Variants in DNAH11 observed in about 807,000 individuals in gnomAD.
The protein encoded by DNAH11 is axonemal beta dynein heavy chain 11.
DNAH11 carries 442 observed loss-of-function variants against 526.0 expected under a neutral mutation model. The observed-to-expected ratio is 0.84, with a 90% CI of 0.78 to 0.91. The LOEUF (loss-of-function observed/expected upper bound fraction) is 0.91. Among genes scored for constraint, DNAH11 ranks in the 40% least tolerant of loss-of-function variants. The pLI is 0.00. For missense variants in DNAH11, 6,989 were observed against 5,448.7 expected (o/e 1.28, Z -8.90); for synonymous variants, 2,461 against 1,935.9 (o/e 1.27, Z -7.12).
intron 55 of DNAH11, among the ~76,000 whole-genome samples, chr7:21,769,283 C>T (rs1787319187): frequency 6.6e-6 from 1 of 152,162 alleles, no homozygotes; most frequent in East Asian, 1.9e-4. Context: ...AGGGTCCAGA[C>T]TTTGTAGCTG....
At chr7:21,789,132 A>G (rs1788319439) in intron 60 of DNAH11, 109 bp from the exon 61 acceptor site, 2 of 819,780 alleles carry the variant, frequency 2.4e-6, no homozygotes, top group Non-Finnish European at 3.9e-6. Flanking sequence ...CAATAAAAAA[A>G]GAGAAGTTGC....
intron 45 of DNAH11, 99 bp from the exon 46 acceptor site, chr7:21,735,541 T>G: frequency 2.1e-6 from 2 of 959,470 alleles, no homozygotes; most frequent in African/African-American, 3.3e-5. Context: ...AATTATAAAG[T>G]GACTGTGTTG....
At chr7:21,544,918 G>A in intron 1 of DNAH11, 88 bp from the exon 2 acceptor site, 2 of 1,168,918 alleles carry the variant, frequency 1.7e-6, no homozygotes, top group Non-Finnish European at 1.2e-6. Flanking sequence ...TGTTTCTTCT[G>A]CTAGCAATAC....
chr7:21,748,019 A>G (rs976828448), intron 51 of DNAH11, among the ~76,000 whole-genome samples: 1 of 152,232 alleles, frequency 6.6e-6, no homozygotes, highest in Non-Finnish European at 1.5e-5. Flanking sequence ...ACAAAGCTCT[A>G]AGAGAATCCA....
chr7:21,728,577 C>G (rs895053224), intron 45 of DNAH11, among the ~76,000 whole-genome samples: 13 of 152,150 alleles, frequency 8.5e-5, no homozygotes, highest in Admixed American at 4.6e-4. Flanking sequence ...GCCCAAAATT[C>G]TTAACCCATT....
chr7:21,857,819 T>C (rs1782910821), intron 68 of DNAH11, among the ~76,000 whole-genome samples: 2 of 152,012 alleles, frequency 1.3e-5, no homozygotes, highest in Non-Finnish European at 2.9e-5. Flanking sequence ...ATAAAAAAAT[T>C]CAAAATGAAT....
chr7:21,861,291 C>T (rs561390741), intron 68 of DNAH11, among the ~76,000 whole-genome samples: 9 of 152,304 alleles, frequency 5.9e-5, no homozygotes, highest in African/African-American at 1.9e-4. Context: ...TGGACTGCCG[C>T]ATGTAATTTT....
At chr7:21,799,369 C>T (rs1788864254) in intron 61 of DNAH11, among the ~76,000 whole-genome samples, 1 of 151,756 alleles carries the variant, frequency 6.6e-6, no homozygotes, top group Non-Finnish European at 1.5e-5. Flanking sequence ...CGGAGTCTTG[C>T]TCTTGTTTCC....
intron 75 of DNAH11, among the ~76,000 whole-genome samples, chr7:21,881,463 T>C (rs1464956088): frequency 6.6e-6 from 1 of 152,220 alleles, no homozygotes; most frequent in African/African-American, 2.4e-5. Flanking sequence ...AAAATGTGTT[T>C]TACAGATGGG....
chr7:21,886,962 C>CA (rs1784145801), intron 76 of DNAH11, among the ~76,000 whole-genome samples: 1 of 152,204 alleles, frequency 6.6e-6, no homozygotes, highest in African/African-American at 2.4e-5. Context: ...GACTTGCTGT[C>CA]AGAGGCTGCA....
intron 25 of DNAH11, among the ~76,000 whole-genome samples, chr7:21,633,800 G>C (rs1196616180): frequency 1.3e-5 from 2 of 152,216 alleles, no homozygotes; most frequent in Admixed American, 6.5e-5. Context: ...GCTGAGACTT[G>C]AAGGGTAGTC....
intron 12 of DNAH11, among the ~76,000 whole-genome samples, chr7:21,590,291 G>C (rs1784625881): frequency 6.6e-6 from 1 of 152,162 alleles, no homozygotes; most frequent in African/African-American, 2.4e-5. Context: ...CAGCTTGCTA[G>C]ATATGAGACA....
In DNAH11 at chr7:21,898,267, C is replaced by G. The variant is rs111278558; in HGVS notation, c.13050-1069C>G. Among the ~76,000 whole-genome samples the G allele has an allele frequency of 1.9e-4, 29 of 152,230 alleles. 1 individual carries two copies. Among genetic ancestry groups the G allele is most frequent in the African/African-American group, 7.0e-4 (29 of 41,542 alleles). On this transcript the variant is annotated intron_variant, in intron 79 of 81. Transcript: ENST00000409508. ...CTATGCTGTTTCTTCTTCTTATCGT[C>G]GAGTATGCTTTTTCGGATCCAGCTA...
At chr7:21,556,667 C>T (rs1783230492) in intron 2 of DNAH11, among the ~76,000 whole-genome samples, 1 of 152,066 alleles carries the variant, frequency 6.6e-6, no homozygotes, top group Admixed American at 6.6e-5. Flanking sequence ...TAGTCCTCAC[C>T]CTCCTTCCAC....
intron 5 of DNAH11, among the ~76,000 whole-genome samples, chr7:21,561,931 G>C (rs2128432310): frequency 6.6e-6 from 1 of 152,256 alleles, no homozygotes; most frequent in East Asian, 1.9e-4. Context: ...TGGAAAGTTA[G>C]GAAATACTGA....
At chr7:21,636,189 C>A in intron 26 of DNAH11, 94 bp downstream of exon 26, 1 of 1,080,796 alleles carries the variant, frequency 9.3e-7, no homozygotes, top group Non-Finnish European at 1.3e-6. Context: ...TGCATTTTTG[C>A]ATGAGTAAGC....
chr7:21,819,255 C>CT (rs147964197), intron 65 of DNAH11, among the ~76,000 whole-genome samples: 2,264 of 152,192 alleles, frequency 0.015, 63 homozygotes, highest in African/African-American at 0.052. Context: ...TATCTGTCCC[C>CT]TTTTTCATCA....
In DNAH11 at chr7:21,824,938, C is replaced by G. The variant is rs182057475; in HGVS notation, c.10691+6599C>G. The stretch of plus-strand genomic sequence containing the variant: ...CCAGGCTGGAGTGCAGTGGCGGGAT[C>G]TTGGCTCATTGCAACCTCCACCTCC... On this transcript the variant is annotated intron_variant, in intron 65 of 81. Coordinates refer to ENST00000409508, the MANE Select transcript of DNAH11 (RefSeq NM_001277115.2). Among the ~76,000 whole-genome samples, 607 of 152,256 alleles carry G rather than the reference C, an allele frequency of 4.0e-3. 14 individuals are homozygous for G. Among genetic ancestry groups the G allele is most frequent in the Admixed American group, 0.036 (550 of 15,290 alleles).
intron 2 of DNAH11, among the ~76,000 whole-genome samples, chr7:21,553,675 T>C (rs78747705): frequency 0.037 from 5,575 of 152,282 alleles, 335 homozygotes; most frequent in East Asian, 0.28. Flanking sequence ...CATCCCCTCA[T>C]AGTCTTAGGA....
Sources: gnomAD v4.1 joint callset for allele counts (sites outside exome capture counted in the v4.1 genomes callset) on GRCh38, gnomAD v4.1.1 for gene constraint, MANE v1.5 for transcripts, NCBI Gene and HGNC (gene_info 2026-07-23, HGNC 2026-07-21) for gene names.